ACSF2: variants seen among roughly 807,000 people sequenced by gnomAD.
ACSF2 encodes the protein acyl-CoA synthetase family member 2.
A neutral mutation model predicts 79.3 loss-of-function variants in ACSF2; 52 were observed. The ratio of observed to expected loss-of-function variants is 0.66; its 90% CI spans 0.53 to 0.83. ACSF2 has a LOEUF of 0.83. Among genes scored for constraint, ACSF2 ranks in the 40% least tolerant of loss-of-function variants. ACSF2 has a pLI of 0.00. For synonymous variants in ACSF2, 283 were observed against 312.6 expected (o/e 0.91, Z 1.00); for missense variants, 661 against 803.3 (o/e 0.82, Z 2.14).
chr17:50,448,688 G>A (rs866963784), intron 1 of ACSF2, among the ~76,000 whole-genome samples: 3 of 152,122 alleles, frequency 2.0e-5, no homozygotes, highest in African/African-American at 7.2e-5. Flanking sequence ...AATTATCCTC[G>A]GCTACAAGGA....
chr17:50,464,641 T>C (rs150309436), intron 10 of ACSF2: 5 of 492,992 alleles, frequency 1.0e-5, no homozygotes, highest in Non-Finnish European at 2.0e-5. Context: ...TAAAACCCTT[T>C]CTGGAAGCAA....
intron 1 of ACSF2, among the ~76,000 whole-genome samples, chr17:50,447,840 T>G (rs1437239285): frequency 6.6e-6 from 1 of 152,184 alleles, no homozygotes; most frequent in African/African-American, 2.4e-5. Context: ...TATAGAGAGA[T>G]TCTCAGCTAG....
At chr17:50,464,409 C>T in intron 10 of ACSF2, 115 bp downstream of exon 10, 2 of 1,070,586 alleles carry the variant, frequency 1.9e-6, no homozygotes, top group Non-Finnish European at 2.9e-6. Flanking sequence ...CTCAGCCAGC[C>T]CTCCTTCCAG....
At chr17:50,457,180 T>C (rs1039088513) in intron 1 of ACSF2, among the ~76,000 whole-genome samples, 1 of 152,222 alleles carries the variant, frequency 6.6e-6, no homozygotes, top group Non-Finnish European at 1.5e-5. Context: ...TAGGTGACAG[T>C]TTCTGAGCTC....
chr17:50,468,942 A>C lies in ACSF2; in HGVS notation c.1216-2086A>C. 2.8e-6 allele frequency: 4 copies of C among 1,407,166 alleles called. No individual in the cohort carries two copies. The South Asian group carries it at 6.3e-5, about 22-fold the overall frequency. The allele number at this position is 1,407,166 out of a possible 1,614,324, so 87.2% of individuals were successfully genotyped here. On this transcript the variant is annotated intron_variant, in intron 10 of 15. Coordinates refer to ENST00000300441, the MANE Select transcript of ACSF2 (RefSeq NM_025149.6). ...CCTGACCGCAGCCGGCAGCCGAGCCAGCTCCTACGTGGAGCATCGAGGCCA... is the reference window on the plus strand; with the variant it reads ...CCTGACCGCAGCCGGCAGCCGAGCCCGCTCCTACGTGGAGCATCGAGGCCA...
At chr17:50,426,831 C>G in intron 1 of ACSF2, 2 of 1,444,060 alleles carry the variant, frequency 1.4e-6, no homozygotes, top group Admixed American at 3.9e-5. Context: ...TCTCCTGTCT[C>G]CTCATCAGCT....
chr17:50,433,255 G>T (rs1410198330), intron 1 of ACSF2, among the ~76,000 whole-genome samples: 4 of 151,670 alleles, frequency 2.6e-5, no homozygotes, highest in Non-Finnish European at 5.9e-5. Context: ...ACAGACACCT[G>T]CCACCACGCC....
intron 1 of ACSF2, among the ~76,000 whole-genome samples, chr17:50,457,728 C>T (rs1037347480): frequency 2.6e-5 from 4 of 152,194 alleles, no homozygotes; most frequent in Non-Finnish European, 4.4e-5. Context: ...ACTATGGCTA[C>T]TTAGAGGGCT....
chr17:50,473,491 C>T, intron 12 of ACSF2, 174 bp from the exon 13 acceptor site: 1 of 807,046 alleles, frequency 1.2e-6, no homozygotes, highest in South Asian at 1.8e-5. Context: ...TGTCTACCTC[C>T]CCTCCCCTTA....
intron 1 of ACSF2, among the ~76,000 whole-genome samples, chr17:50,432,339 A>G (rs2030000720): frequency 6.6e-6 from 1 of 152,180 alleles, no homozygotes; most frequent in Non-Finnish European, 1.5e-5. Context: ...CCTAGTGGTG[A>G]GCTATTTTAC....
Position 50,431,414 on chromosome 17 carries a change from A to G in ACSF2, c.128+5025A>G, listed in dbSNP as rs555558405. 5.9e-5 allele frequency among the ~76,000 whole-genome samples: 9 copies of G among 152,312 alleles called. No individual in the cohort carries two copies. In the South Asian group the frequency reaches 1.7e-3, roughly 28 times the overall value. On this transcript the variant is annotated intron_variant, in intron 1 of 15. Coordinates refer to ENST00000300441, the MANE Select transcript of ACSF2 (RefSeq NM_025149.6). The stretch of plus-strand genomic sequence containing the variant: ...AAAGATGTCAATCAAAGCAGGAGGA[A>G]TCTGGTTTGTGGAAATGGGAGGGGG...
rs1555611950 is a variant in ACSF2 at position 50,464,770 on chromosome 17, G to GGT, written c.1215+477_1215+478insTG. The GGT allele has an allele frequency of 2.4e-5, 4 of 163,352 alleles. 1 individual carries two copies. The highest frequency in any genetic ancestry group is 7.7e-5 in the Admixed American group (1 of 12,938). 10.1% of individuals were successfully genotyped at this position (163,352 alleles called of 1,614,324 possible). ...AACCTGTTGTGGTTCTGATTGACTT[G>GGT]GGGGGGGGGTCTCAGCAACAGCTTC... is the stretch of plus-strand genomic sequence containing the variant. On this transcript the variant is annotated intron_variant, in intron 10 of 15. Coordinates refer to ENST00000300441, the MANE Select transcript of ACSF2 (RefSeq NM_025149.6).
At position 50,462,528 on chromosome 17, in the gene ACSF2, C is replaced by T. The variant is rs141937528; in HGVS notation, c.735C>T (p.Leu245=). 5 of 1,613,828 alleles carry T rather than the reference C, an allele frequency of 3.1e-6. No homozygotes were observed. The African/African-American group carries it at 6.7e-5, about 22-fold the overall frequency. ...AGSTRQHLDQ[L]QYNQQFLSCH... Reference sequence around the variant, plus strand: ...GCACACGGCAGCATCTGGACCAGCTCCAATACAACCAGCAGTTCCTGTCCT... The same window carrying T: ...GCACACGGCAGCATCTGGACCAGCTTCAATACAACCAGCAGTTCCTGTCCT... The change falls in exon 6 of 16, where the codon CTC becomes CTT. Residue 245 remains leucine, a synonymous_variant. Transcript: ENST00000300441.
In ACSF2 at chr17:50,473,987, G is replaced by A. The variant is rs181183793; in HGVS notation, c.1711G>A (p.Ala571Thr). The change falls in exon 14 of 16, where the codon GCT becomes ACT. Residue 571 changes from alanine to threonine, a missense_variant. Coordinates refer to ENST00000300441, the MANE Select transcript of ACSF2 (RefSeq NM_025149.6). ...GEETTVEEIK[A>T]FCKGKISHFK... Reference sequence around the variant, plus strand: ...GGAGACCACGGTGGAGGAGATAAAAGCTTTCTGCAAAGGGAAGGTGGGAGC... The same window carrying A: ...GGAGACCACGGTGGAGGAGATAAAAACTTTCTGCAAAGGGAAGGTGGGAGC... The A allele has an allele frequency of 1.8e-5, 27 of 1,515,224 alleles. No individual in the cohort carries two copies. In the East Asian group the frequency reaches 4.0e-4, roughly 23 times the overall value. 93.9% of individuals were successfully genotyped at this position (1,515,224 alleles called of 1,614,324 possible).
Position 50,463,874 on chromosome 17 carries a change from A to T in ACSF2, c.1103A>T (p.Asp368Val). 1 of 1,614,126 alleles carries T rather than the reference A, an allele frequency of 6.2e-7. No individual in the cohort carries two copies. Among genetic ancestry groups the T allele is most frequent in the South Asian group, 1.1e-5 (1 of 91,074 alleles). The stretch of plus-strand genomic sequence containing the variant: ...TTCGTGGACATTCTGAACCAGCCAG[A>T]CTTCTCCAGTTATGACATCTCGACC... Reference protein sequence around the residue: ...TMFVDILNQPDFSSYDISTMC... With the variant: ...TMFVDILNQPVFSSYDISTMC... The change falls in exon 9 of 16, where the codon GAC becomes GTC. Residue 368 changes from aspartate to valine, a missense_variant. Asp to Val is a radical substitution (Grantham distance 152). Transcript: ENST00000300441. This position sits in a 1 kb window ranked among gnomAD's most constrained non-coding sequence, Gnocchi z 4.6.
chr17:50,472,975 GC>G (rs1270396912), intron 12 of ACSF2: 1 of 161,230 alleles, frequency 6.2e-6, no homozygotes, highest in African/African-American at 2.4e-5. Flanking sequence ...AAGAAAATAG[GC>G]CAGGCGCGGT....
chr17:50,463,837 AC>A lies in ACSF2; in HGVS notation c.1071del (p.Thr358ArgfsTer7). The A allele has an allele frequency of 6.2e-7, 1 of 1,613,808 alleles. No homozygotes were observed. The highest frequency in any genetic ancestry group is 1.6e-4 in the Middle Eastern group (1 of 6,062). On this transcript the variant is annotated frameshift_variant, in exon 9 of 16. Transcript: ENST00000300441. LOFTEE classifies it high-confidence loss of function. This position sits in a 1 kb window ranked among gnomAD's most constrained non-coding sequence, Gnocchi z 4.6. ...SRERGTFLYGTPTMFVDILNQ... is the reference protein window; with the variant it reads ...SRERGTFLYGXPTMFVDILNQ... ...ATACAGAGGCACCTTCCTGTATGGT[AC>A]CCCCACGATGTTCGTGGACATTCTG... is the stretch of plus-strand genomic sequence containing the variant.
rs759938793 is a variant in ACSF2 at position 50,460,715 on chromosome 17, G to C, written c.167G>C (p.Gly56Ala). The stretch of plus-strand genomic sequence containing the variant: ...GATCGCATGGTCTCCACGCCCATCG[G>C]AGGCCTCAGCTACGTTCAGGGGTGC... ...EVDRMVSTPI[G>A]GLSYVQGCTK... The change falls in exon 2 of 16, where the codon GGA becomes GCA. Residue 56 changes from glycine (G) to alanine (A), a missense_variant. Coordinates refer to ENST00000300441, the MANE Select transcript of ACSF2 (RefSeq NM_025149.6). 1.8e-5 allele frequency: 29 copies of C among 1,613,196 alleles called. No individual in the cohort carries two copies. Among genetic ancestry groups the C allele is most frequent in the Middle Eastern group, 1.6e-4 (1 of 6,084 alleles).
At chr17:50,465,505 A>G (rs781776508) in intron 10 of ACSF2, 95 of 1,582,184 alleles carry the variant, frequency 6.0e-5, no homozygotes, top group Non-Finnish European at 7.7e-5. Flanking sequence ...AGGGCAGTGA[A>G]CTATGGGGCC....
Sources: allele counts gnomAD v4.1 joint callset (sites outside exome capture counted in the v4.1 genomes callset), GRCh38; gene constraint gnomAD v4.1.1; non-coding constraint Gnocchi (gnomAD v3.1); transcripts MANE v1.5; gene names NCBI Gene and HGNC (gene_info 2026-07-23, HGNC 2026-07-21).